BCHE: variants seen among roughly 807,000 people sequenced by gnomAD.
BCHE encodes the protein butyrylcholinesterase.
In BCHE, 48 loss-of-function variants were observed where a neutral mutation model predicts 51.3. The observed-to-expected ratio is 0.94, with a 90% CI of 0.74 to 1.19. The LOEUF (loss-of-function observed/expected upper bound fraction) is 1.19. Among genes scored for constraint, BCHE ranks in the 50% most tolerant of loss-of-function variants. The probability of loss-of-function intolerance (pLI) is 0.00; values close to 1 mark genes in which losing one functional copy is unlikely to be tolerated. For synonymous variants in BCHE, 251 were observed against 238.0 expected (o/e 1.05, Z -0.50); for missense variants, 847 against 708.2 (o/e 1.20, Z -2.23).
At chr3:165,807,942 T>C (rs904920738) in intron 2 of BCHE, among the ~76,000 whole-genome samples, 2 of 152,060 alleles carry the variant, frequency 1.3e-5, no homozygotes, top group African/African-American at 4.8e-5. Flanking sequence ...TTTCCTTTAA[T>C]GGAAACTGAC....
At chr3:165,777,912 T>C in intron 3 of BCHE, 1 of 270,582 alleles carries the variant, frequency 3.7e-6, no homozygotes, top group Non-Finnish European at 7.4e-6. Flanking sequence ...TAGCTTACTT[T>C]ATTATAATAA....
At chr3:165,780,357 C>T (rs372846189) in intron 3 of BCHE, among the ~76,000 whole-genome samples, 2 of 152,128 alleles carry the variant, frequency 1.3e-5, no homozygotes, top group African/African-American at 4.8e-5. Context: ...TGGACAAAGA[C>T]TTCATGACGA....
chr3:165,804,056 GAA>G (rs11447348), intron 2 of BCHE, among the ~76,000 whole-genome samples: 1 of 146,922 alleles, frequency 6.8e-6, no homozygotes, highest in African/African-American at 2.5e-5. Context: ...AGAAAGGTTA[GAA>G]AAAAAAAAAA....
intron 2 of BCHE, among the ~76,000 whole-genome samples, chr3:165,796,729 C>T (rs979147696): frequency 6.6e-6 from 1 of 152,018 alleles, no homozygotes; most frequent in Non-Finnish European, 1.5e-5. Context: ...TGTACTTAAC[C>T]CACTCTCCTA....
chr3:165,829,554 A>T lies in BCHE; in HGVS notation c.1480T>A (p.Ser494Thr). The change falls in exon 2 of 4, where the codon TCC becomes ACC. Residue 494 changes from serine (S) to threonine (T), a missense_variant. Transcript: ENST00000264381. The stretch of plus-strand genomic sequence containing the variant: ...AAATTTGCCCACCGTTTCACTATGG[A>T]TCTACTCAAAATTTCCTCGGCTTTT... ...YTKAEEILSR[S>T]IVKRWANFAK... 1 of 1,613,732 alleles carries T rather than the reference A, an allele frequency of 6.2e-7. No individual in the cohort carries two copies. The highest frequency in any genetic ancestry group is 8.5e-7 in the Non-Finnish European group (1 of 1,179,806).
chr3:165,833,135 C>T (rs1201965392), intron 1 of BCHE, among the ~76,000 whole-genome samples: 4 of 151,900 alleles, frequency 2.6e-5, no homozygotes, highest in Admixed American at 6.6e-5. Context: ...TTTTTCAGTT[C>T]TGTTTGGTAC....
chr3:165,806,070 C>A (rs1427626911), intron 2 of BCHE, among the ~76,000 whole-genome samples: 4 of 152,052 alleles, frequency 2.6e-5, no homozygotes. Flanking sequence ...CTCTTCTATG[C>A]CATTCTCTCT....
Position 165,830,314 on chromosome 3 carries a change from T to C in BCHE, c.720A>G (p.Gly240=). 2 of 1,614,002 alleles carry C rather than the reference T, an allele frequency of 1.2e-6. No homozygotes were observed. Among genetic ancestry groups the C allele is most frequent in the Non-Finnish European group, 1.7e-6 (2 of 1,179,942 alleles). Residue 240 remains glycine, a synonymous_variant, in exon 2 of 4, where the codon GGA becomes GGG. Coordinates refer to ENST00000264381, the MANE Select transcript of BCHE (RefSeq NM_000055.4). ...ASVSLHLLSP[G]SHSLFTRAIL... is the part of the protein sequence containing the mutation. The stretch of plus-strand genomic sequence containing the variant: ...TGGCTCTGGTGAACAATGAATGGCT[T>C]CCAGGAGAAAGCAAATGCAGGCTAA...
intron 1 of BCHE, among the ~76,000 whole-genome samples, 186 bp downstream of exon 1, chr3:165,837,128 T>C (rs1034994711): frequency 6.6e-6 from 1 of 152,166 alleles, no homozygotes; most frequent in Admixed American, 6.6e-5. Context: ...CCCTGAATAA[T>C]AGGAAGATTT....
At chr3:165,807,196 C>A (rs567942123) in intron 2 of BCHE, among the ~76,000 whole-genome samples, 28 of 151,902 alleles carry the variant, frequency 1.8e-4, no homozygotes, top group African/African-American at 5.8e-4. Flanking sequence ...TTTATAAGTT[C>A]ATTGCAAAAA....
intron 3 of BCHE, among the ~76,000 whole-genome samples, chr3:165,774,228 A>T (rs1434568020): frequency 6.6e-6 from 1 of 152,192 alleles, no homozygotes; most frequent in Non-Finnish European, 1.5e-5. Flanking sequence ...TGGATGTGTA[A>T]CCCGCAAATA....
chr3:165,813,071 T>C lies in BCHE; in HGVS notation c.1517+16446A>G, dbSNP rs529724300. On this transcript the variant is annotated intron_variant, in intron 2 of 3. Transcript: ENST00000264381. ...AGAGTCCTTTTTTTTCCTATCAGGATAATTGTTTAAAACTTTTTTACCAGA... is the reference window on the plus strand; with the variant it reads ...AGAGTCCTTTTTTTTCCTATCAGGACAATTGTTTAAAACTTTTTTACCAGA... 2.0e-5 allele frequency among the ~76,000 whole-genome samples: 3 copies of C among 151,878 alleles called. No homozygotes were observed. The East Asian group carries it at 5.8e-4, about 29-fold the overall frequency.
intron 3 of BCHE, among the ~76,000 whole-genome samples, chr3:165,781,843 T>C (rs547736843): frequency 3.9e-5 from 6 of 152,250 alleles, no homozygotes; most frequent in African/African-American, 1.4e-4. Context: ...AATTTTTATG[T>C]GGTATGAAAA....
intron 2 of BCHE, among the ~76,000 whole-genome samples, chr3:165,810,806 T>C (rs996431883): frequency 1.7e-4 from 26 of 152,118 alleles, no homozygotes; most frequent in Admixed American, 4.6e-4. Context: ...TGGTCTTTAG[T>C]ATACTGTTAA....
intron 2 of BCHE, among the ~76,000 whole-genome samples, chr3:165,797,327 T>C (rs370457207): frequency 3.9e-5 from 3 of 77,084 alleles, no homozygotes; most frequent in Non-Finnish European, 5.2e-5. Context: ...CTTCCTTCCT[T>C]CCTCCCTCCC....
At chr3:165,807,598 C>T (rs1217879290) in intron 2 of BCHE, among the ~76,000 whole-genome samples, 2 of 151,884 alleles carry the variant, frequency 1.3e-5, no homozygotes, top group Non-Finnish European at 2.9e-5. Context: ...GTCACCCAGG[C>T]TGGAGTGCAG....
chr3:165,800,005 A>G (rs1369053205), intron 2 of BCHE, among the ~76,000 whole-genome samples: 1 of 94,022 alleles, frequency 1.1e-5, no homozygotes, highest in African/African-American at 3.9e-5. Flanking sequence ...GCCTTCAATT[A>G]TTTCTCATGG....
Position 165,807,548 on chromosome 3 carries a change from T to A in BCHE, c.1518-21237A>T, listed in dbSNP as rs562927332. On this transcript the variant is annotated intron_variant, in intron 2 of 3. Transcript: ENST00000264381. ...TTTATTTATTTATTTATTTATTTAT[T>A]TTTATTTATTTATTTATTTTTCAGA... 1.4e-4 allele frequency among the ~76,000 whole-genome samples: 21 copies of A among 150,892 alleles called. No individual in the cohort carries two copies. In the South Asian group the frequency reaches 2.5e-3, roughly 18 times the overall value.
At chr3:165,777,643 TA>T (rs1165215441) in intron 3 of BCHE, 2 of 282,350 alleles carry the variant, frequency 7.1e-6, no homozygotes, top group Non-Finnish European at 1.4e-5. Flanking sequence ...TACAAATGTT[TA>T]AAAGAAAAGG....
Sources: gnomAD v4.1 joint callset for allele counts (sites outside exome capture counted in the v4.1 genomes callset) on GRCh38, gnomAD v4.1.1 for gene constraint, MANE v1.5 for transcripts, NCBI Gene and HGNC (gene_info 2026-07-23, HGNC 2026-07-21) for gene names.